LYAR: variants seen among roughly 807,000 people sequenced by gnomAD.
The protein encoded by LYAR is Ly1 antibody reactive, also known as cell growth-regulating nucleolar protein.
LYAR carries 37 observed loss-of-function variants against 45.2 expected under a neutral mutation model. That is an observed-to-expected ratio of 0.82 (90% CI 0.63 to 1.08). The LOEUF (loss-of-function observed/expected upper bound fraction) is 1.08. Among genes scored for constraint, LYAR ranks in the 50% least tolerant of loss-of-function variants. LYAR has a pLI of 0.00. For synonymous variants in LYAR, 176 were observed against 155.1 expected, an observed-to-expected ratio of 1.14 and a Z score of -1.00; for missense variants, 493 against 451.0, an observed-to-expected ratio of 1.09 and a Z score of -0.84.
At chr4:4,270,413 C>T (rs148962364) in intron 8 of LYAR, among the ~76,000 whole-genome samples, 87 of 149,698 alleles carry the variant, frequency 5.8e-4, no homozygotes, top group African/African-American at 2.1e-3. Flanking sequence ...AACCATTTGC[C>T]CTAAAAAGAC....
chr4:4,287,224 T>A (rs3775343), intron 1 of LYAR, among the ~76,000 whole-genome samples: 6,095 of 152,208 alleles, frequency 0.04, 450 homozygotes, highest in East Asian at 0.32. Flanking sequence ...GCTTTCCTTC[T>A]GGCCACATGC....
At chr4:4,284,595 C>A (rs2108851208) in intron 2 of LYAR, among the ~76,000 whole-genome samples, 1 of 152,122 alleles carries the variant, frequency 6.6e-6, no homozygotes. Context: ...GAGCACTGCC[C>A]CAAAAAGAAG....
intron 4 of LYAR, among the ~76,000 whole-genome samples, chr4:4,281,007 G>A (rs1434667077): frequency 6.6e-6 from 1 of 152,216 alleles, no homozygotes; most frequent in African/African-American, 2.4e-5. Context: ...GAATTAGGGA[G>A]TCAATGTTTC....
chr4:4,279,436 A>G lies in LYAR; in HGVS notation c.429+11T>C. 1 of 1,573,502 alleles carries G rather than the reference A, an allele frequency of 6.4e-7. No homozygotes were observed. The highest frequency in any genetic ancestry group is 2.2e-5 in the East Asian group (1 of 44,664). ...TGCCACAATGCAAATCTAAAATCAG[A>G]TCTGACTTACGCTGTTGGAAGCTTC... On this transcript the variant is annotated intron_variant, in intron 6 of 9. Coordinates refer to ENST00000343470, the MANE Select transcript of LYAR (RefSeq NM_017816.3).
intron 8 of LYAR, among the ~76,000 whole-genome samples, chr4:4,270,988 C>T (rs887445805): frequency 1.3e-5 from 2 of 152,210 alleles, no homozygotes; most frequent in African/African-American, 4.8e-5. Context: ...GTATCCATCA[C>T]CTCAAGCATT....
At chr4:4,273,866 A>G (rs1247178900) in intron 7 of LYAR, among the ~76,000 whole-genome samples, 197 bp from the exon 8 acceptor site, 1 of 152,214 alleles carries the variant, frequency 6.6e-6, no homozygotes, top group Non-Finnish European at 1.5e-5. Context: ...AGGAGTTGAG[A>G]AGTGAGGTCA....
chr4:4,279,827 C>G, intron 4 of LYAR, 78 bp from the exon 5 acceptor site: 1 of 894,716 alleles, frequency 1.1e-6, no homozygotes. Context: ...TGAAAAAGTC[C>G]TTGCCATGGC....
chr4:4,283,544 T>C (rs1719486777), intron 3 of LYAR, 77 bp downstream of exon 3: 1 of 1,485,846 alleles, frequency 6.7e-7, no homozygotes, highest in African/African-American at 1.4e-5. Context: ...CCACTATTTT[T>C]CCAAGCTTTG....
At chr4:4,281,328 C>T (rs1305199199) in intron 4 of LYAR, among the ~76,000 whole-genome samples, 824 of 145,620 alleles carry the variant, frequency 5.7e-3, no homozygotes, top group African/African-American at 0.022. Context: ...AACTTTTTTT[C>T]TTTCTTTTCT....
At chr4:4,288,362 C>A (rs568089606) in intron 1 of LYAR, among the ~76,000 whole-genome samples, 18 of 152,172 alleles carry the variant, frequency 1.2e-4, no homozygotes, top group Non-Finnish European at 2.4e-4. Flanking sequence ...GGCTCCTCAC[C>A]CCATGGCTGC....
intron 1 of LYAR, among the ~76,000 whole-genome samples, chr4:4,289,110 C>T (rs769220887): frequency 2.6e-5 from 4 of 152,206 alleles, no homozygotes; most frequent in Non-Finnish European, 4.4e-5. Flanking sequence ...ATGAGGCTGA[C>T]AAGGGTTACA....
intron 8 of LYAR, among the ~76,000 whole-genome samples, chr4:4,269,433 G>A (rs112675020): frequency 0.013 from 1,966 of 152,190 alleles, 55 homozygotes; most frequent in African/African-American, 0.043. Context: ...CTCTACCCTC[G>A]CAAGGCTGTA....
intron 4 of LYAR, 130 bp downstream of exon 4, chr4:4,281,651 CCT>C: frequency 2.9e-6 from 2 of 683,974 alleles, no homozygotes; most frequent in South Asian, 3.7e-5. Context: ...TTTAGTTCAA[CCT>C]GTCTATCCTA....
Position 4,279,718 on chromosome 4 carries a change from A to G in LYAR, c.269T>C (p.Val90Ala). ...KISELIKRPN[V>A]SPKVRELLEQ... is the part of the protein sequence containing the mutation. ...TAAAAGTTCTCTCACTTTGGGGCTG[A>G]CATTGGGTCTCTTTATTAATTCACT... is the stretch of plus-strand genomic sequence containing the variant. The change falls in exon 5 of 10, where the codon GTC (valine) becomes GCC (alanine). Residue 90 changes from valine to alanine, a missense_variant. Coordinates refer to ENST00000343470, the MANE Select transcript of LYAR (RefSeq NM_017816.3). The G allele has an allele frequency of 6.2e-7, 1 of 1,612,684 alleles. No individual in the cohort carries two copies. Among genetic ancestry groups the G allele is most frequent in the Non-Finnish European group, 8.5e-7 (1 of 1,179,402 alleles).
At position 4,279,678 on chromosome 4, in the gene LYAR, A is replaced by C. The variant is rs141263044; in HGVS notation, c.309T>G (p.Ala103=). 152 of 1,614,096 alleles carry C rather than the reference A, an allele frequency of 9.4e-5. 1 individual carries two copies. In the African/African-American group the frequency reaches 1.8e-3, roughly 19 times the overall value. ...KVRELLEQIS[A]FDNVPRKKAK... ...CCTTTTTCCTGGGAACGTTGTCAAA[A>C]GCACTAATTTGCTCTAAAAGTTCTC... is the stretch of plus-strand genomic sequence containing the variant. The change falls in exon 5 of 10, where the codon GCT becomes GCG. Residue 103 remains alanine, a synonymous_variant. Coordinates refer to ENST00000343470, the MANE Select transcript of LYAR (RefSeq NM_017816.3).
chr4:4,278,401 A>G (rs952428561), intron 6 of LYAR, among the ~76,000 whole-genome samples: 1 of 152,350 alleles, frequency 6.6e-6, no homozygotes, highest in African/African-American at 2.4e-5. Flanking sequence ...AAGATAGCAA[A>G]CCAAGATTTT....
intron 7 of LYAR, 53 bp from the exon 8 acceptor site, chr4:4,273,722 G>T: frequency 9.3e-7 from 1 of 1,077,772 alleles, no homozygotes; most frequent in Non-Finnish European, 1.4e-6. Context: ...TACGCTAGCA[G>T]CTACCATTTA....
chr4:4,273,238 A>G (rs1024315477), intron 8 of LYAR, among the ~76,000 whole-genome samples: 1 of 152,246 alleles, frequency 6.6e-6, no homozygotes, highest in Non-Finnish European at 1.5e-5. Context: ...ACAGTGGGTG[A>G]GAGGCACTGT....
rs1719316806 is a variant in LYAR at position 4,279,575 on chromosome 4, A to G, written c.346-45T>C. On this transcript the variant is annotated intron_variant, in intron 5 of 9. Coordinates refer to ENST00000343470, the MANE Select transcript of LYAR (RefSeq NM_017816.3). The stretch of plus-strand genomic sequence containing the variant: ...AAAGAACTATTGATCCCACTTGGAC[A>G]GGTACACACAAGCTCAGTCACTGAT... The G allele has an allele frequency of 2.6e-6, 4 of 1,548,844 alleles. No individual in the cohort carries two copies. The South Asian group carries it at 4.5e-5, about 17-fold the overall frequency.
Sources: gnomAD v4.1 joint callset for allele counts (sites outside exome capture counted in the v4.1 genomes callset) on GRCh38, gnomAD v4.1.1 for gene constraint, MANE v1.5 for transcripts, NCBI Gene and HGNC (gene_info 2026-07-23, HGNC 2026-07-21) for gene names.